Variants in CADPS observed in about 807,000 individuals in gnomAD.
CADPS encodes calcium dependent secretion activator.
Under a neutral mutation model 167.3 loss-of-function variants are expected in CADPS, and 57 were observed. The observed-to-expected ratio is 0.34, with a 90% CI of 0.28 to 0.42. The LOEUF (loss-of-function observed/expected upper bound fraction) is 0.42, where lower values mean the gene tolerates loss of function less well. CADPS is among the 20% of genes least tolerant of loss of function. The pLI, the probability that CADPS is intolerant of heterozygous loss-of-function variation, is 1.00. For synonymous variants in CADPS, 676 were observed against 635.3 expected, an observed-to-expected ratio of 1.06 and a Z score of -0.96; for missense variants, 1,414 against 1,738.1, an observed-to-expected ratio of 0.81 and a Z score of 3.32.
intron 28 of CADPS, among the ~76,000 whole-genome samples, chr3:62,405,138 G>T (rs35752212): frequency 0.036 from 47 of 1,314 alleles, no homozygotes; most frequent in East Asian, 0.17. Flanking sequence ...ATGTAATCTG[G>T]GGGGGGGGGG....
At chr3:62,665,899 A>C (rs531594305) in intron 3 of CADPS, among the ~76,000 whole-genome samples, 1 of 152,354 alleles carries the variant, frequency 6.6e-6, no homozygotes, top group South Asian at 2.1e-4. Context: ...TAAAGGGCTT[A>C]GTCCATGGCT....
intron 29 of CADPS, among the ~76,000 whole-genome samples, chr3:62,402,264 G>T (rs980122005): frequency 6.6e-6 from 1 of 151,052 alleles, no homozygotes; most frequent in East Asian, 2.0e-4. Flanking sequence ...CCCAGGAGTG[G>T]GTGTTGCAGG....
intron 1 of CADPS, among the ~76,000 whole-genome samples, chr3:62,834,338 T>G (rs1028036275): frequency 3.3e-4 from 50 of 152,176 alleles, no homozygotes; most frequent in African/African-American, 1.1e-3. Flanking sequence ...CTAGAATGAC[T>G]GACCTTCATT....
intron 22 of CADPS, 42 bp downstream of exon 22, chr3:62,481,681 C>T (rs527473778): frequency 1.8e-5 from 27 of 1,522,590 alleles, no homozygotes; most frequent in Non-Finnish European, 2.4e-5. Context: ...ATGCCAAGAT[C>T]ACTTAAATTT....
intron 3 of CADPS, among the ~76,000 whole-genome samples, chr3:62,752,264 A>G (rs1025674482): frequency 1.3e-5 from 2 of 152,216 alleles, no homozygotes; most frequent in African/African-American, 4.8e-5. Context: ...ATTTAATTTT[A>G]TATTGATATG....
chr3:62,488,259 T>C (rs2063136361), intron 21 of CADPS, among the ~76,000 whole-genome samples: 1 of 152,142 alleles, frequency 6.6e-6, no homozygotes, highest in Non-Finnish European at 1.5e-5. Context: ...CACCAATAAG[T>C]AGTCAGATGG....
chr3:62,748,091 C>T (rs1192326577), intron 3 of CADPS, among the ~76,000 whole-genome samples: 1 of 145,454 alleles, frequency 6.9e-6, no homozygotes, highest in African/African-American at 2.6e-5. Flanking sequence ...GAGGCTGAGG[C>T]GGGCGGATCA....
rs1264341371 is a variant in CADPS at position 62,412,156 on chromosome 3, T to A, written c.3778-8971A>T. ...TTAGTTGAGGGTAGGATTTTTTTTT[T>A]TTTTTTTTAACGTCCGTAATTCTTT... On this transcript the variant is annotated intron_variant, in intron 28 of 29. Transcript: ENST00000383710. This position sits in a 1 kb window ranked among gnomAD's most constrained non-coding sequence, Gnocchi z 4.1. Among the ~76,000 whole-genome samples the A allele has an allele frequency of 6.6e-6, 1 of 151,490 alleles. No individual in the cohort carries two copies. Among genetic ancestry groups the A allele is most frequent in the African/African-American group, 2.4e-5 (1 of 41,276 alleles).
intron 18 of CADPS, among the ~76,000 whole-genome samples, chr3:62,496,828 C>T (rs1316516608): frequency 6.6e-6 from 1 of 152,164 alleles, no homozygotes; most frequent in Non-Finnish European, 1.5e-5. Context: ...GTAGTTGCCT[C>T]AGTGCTCAGA....
intron 8 of CADPS, among the ~76,000 whole-genome samples, chr3:62,583,560 C>T (rs1399543757): frequency 6.6e-6 from 1 of 152,164 alleles, no homozygotes; most frequent in Non-Finnish European, 1.5e-5. Context: ...GGCTTTTTCA[C>T]ACCCCAGGCA....
At chr3:62,408,844 A>C (rs1322023229) in intron 28 of CADPS, among the ~76,000 whole-genome samples, 2 of 152,228 alleles carry the variant, frequency 1.3e-5, no homozygotes, top group Non-Finnish European at 2.9e-5. Flanking sequence ...AATTGTCACA[A>C]GAGTAATTTA....
chr3:62,505,750 T>C (rs2151421517), intron 17 of CADPS, among the ~76,000 whole-genome samples: 1 of 152,296 alleles, frequency 6.6e-6, no homozygotes, highest in East Asian at 1.9e-4. Context: ...TGCTTCTACT[T>C]GAGCACTTCT....
intron 6 of CADPS, among the ~76,000 whole-genome samples, chr3:62,607,236 T>C (rs2060814821): frequency 1.3e-5 from 2 of 152,164 alleles, no homozygotes; most frequent in African/African-American, 4.8e-5. Flanking sequence ...GACTTGAAAA[T>C]GACAGCTCTG....
chr3:62,649,541 G>GTTTTTTTTTTTTTTTTTTT (rs1212818484), intron 5 of CADPS, among the ~76,000 whole-genome samples: 9 of 75,004 alleles, frequency 1.2e-4, no homozygotes, highest in African/African-American at 4.3e-4. Context: ...ACAATATGTG[G>GTTTTTTTTTTTTTTTTTTT]TCTTTTTTTT....
intron 2 of CADPS, among the ~76,000 whole-genome samples, chr3:62,760,574 T>TA (rs1450663422): frequency 2.0e-5 from 3 of 151,978 alleles, no homozygotes; most frequent in Non-Finnish European, 4.4e-5. Context: ...CTCATCCTCT[T>TA]AATCACTCTG....
chr3:62,403,852 A>G (rs1430427008), intron 28 of CADPS: 1 of 151,510 alleles, frequency 6.6e-6, no homozygotes, highest in African/African-American at 2.4e-5. Context: ...AAGATGAGAG[A>G]AAAAAAAACC....
intron 8 of CADPS, among the ~76,000 whole-genome samples, chr3:62,572,692 C>CT (rs139151818): frequency 0.19 from 29,119 of 152,090 alleles, 3,007 homozygotes; most frequent in South Asian, 0.31. Context: ...ATATTATAGG[C>CT]TTGATATACC....
chr3:62,873,091 C>G (rs1180175553), intron 1 of CADPS, among the ~76,000 whole-genome samples: 1 of 152,192 alleles, frequency 6.6e-6, no homozygotes, highest in Admixed American at 6.5e-5. Context: ...CAAGGGGCCA[C>G]AGATAAAGAT....
chr3:62,825,119 T>C (rs2073797350), intron 1 of CADPS, among the ~76,000 whole-genome samples: 1 of 152,162 alleles, frequency 6.6e-6, no homozygotes. Context: ...TTGTTCTACA[T>C]TGCTTGTTTA....
Sources: allele counts gnomAD v4.1 joint callset (sites outside exome capture counted in the v4.1 genomes callset), GRCh38; gene constraint gnomAD v4.1.1; non-coding constraint Gnocchi (gnomAD v3.1); transcripts MANE v1.5; gene names NCBI Gene and HGNC (gene_info 2026-07-23, HGNC 2026-07-21).